SRRM4: variants seen among roughly 807,000 people sequenced by gnomAD.
SRRM4 encodes serine/arginine repetitive matrix protein 4.
In SRRM4, 33 loss-of-function variants were observed where a neutral mutation model predicts 68.9. That is an observed-to-expected ratio of 0.48 (90% CI 0.36 to 0.64). SRRM4 has a LOEUF of 0.64. Ranked by LOEUF, SRRM4 falls within the 30% of genes least tolerant of loss-of-function variation. The probability of loss-of-function intolerance (pLI) is 0.00; values close to 1 mark genes in which losing one functional copy is unlikely to be tolerated. For synonymous variants in SRRM4, 318 were observed against 318.8 expected, an observed-to-expected ratio of 1.00 and a Z score of 0.03; for missense variants, 817 against 827.1, an observed-to-expected ratio of 0.99 and a Z score of 0.15.
intron 1 of SRRM4, among the ~76,000 whole-genome samples, chr12:119,091,117 G>A (rs1399623572): frequency 2.0e-5 from 3 of 152,180 alleles, no homozygotes; most frequent in East Asian, 1.9e-4. Context: ...CCTCTGGCAC[G>A]AGTGTGTGTG....
In SRRM4 at chr12:119,128,667, G is replaced by A. The variant is rs576070469; in HGVS notation, c.615-2011G>A. The stretch of plus-strand genomic sequence containing the variant: ...TTTTGGTGGGCAAAGGGATCTGAGC[G>A]AGGTCACATAGCTAGGAAGTGTCTG... On this transcript the variant is annotated intron_variant, in intron 7 of 12. Transcript: ENST00000267260. Among the ~76,000 whole-genome samples the A allele has an allele frequency of 3.3e-5, 5 of 152,310 alleles. No homozygotes were observed. The South Asian group carries it at 6.2e-4, about 19-fold the overall frequency.
chr12:118,996,233 T>G (rs928173925), intron 1 of SRRM4, among the ~76,000 whole-genome samples: 38 of 152,190 alleles, frequency 2.5e-4, no homozygotes, highest in African/African-American at 9.2e-4. Flanking sequence ...CCAAAACACC[T>G]GTAAAACATT....
At chr12:119,025,775 A>G (rs1420710267) in intron 1 of SRRM4, among the ~76,000 whole-genome samples, 2 of 152,048 alleles carry the variant, frequency 1.3e-5, no homozygotes, top group Non-Finnish European at 2.9e-5. Flanking sequence ...GAACTGCCCA[A>G]AGGAGAAATG....
intron 1 of SRRM4, among the ~76,000 whole-genome samples, chr12:119,042,011 G>C (rs1049471870): frequency 1.3e-5 from 2 of 152,156 alleles, no homozygotes; most frequent in Non-Finnish European, 2.9e-5. Flanking sequence ...TGCGGTCATG[G>C]AACCAACTTC....
intron 1 of SRRM4, among the ~76,000 whole-genome samples, chr12:119,045,899 G>A (rs967525174): frequency 7.9e-5 from 12 of 151,964 alleles, no homozygotes; most frequent in Non-Finnish European, 1.5e-4. Flanking sequence ...TTAGCCAGGC[G>A]TGGTGGTGTG....
At chr12:119,122,974 A>G (rs1954232268) in intron 6 of SRRM4, among the ~76,000 whole-genome samples, 1 of 152,198 alleles carries the variant, frequency 6.6e-6, no homozygotes, top group Admixed American at 6.5e-5. Flanking sequence ...CTGCCTGTGG[A>G]GTTCAGTTCC....
intron 1 of SRRM4, among the ~76,000 whole-genome samples, chr12:119,068,252 C>T (rs1451010995): frequency 6.6e-6 from 1 of 152,168 alleles, no homozygotes; most frequent in Non-Finnish European, 1.5e-5. Flanking sequence ...TTGTGAGACT[C>T]AAATGCATGG....
intron 1 of SRRM4, among the ~76,000 whole-genome samples, chr12:119,072,594 G>C (rs948753804): frequency 6.0e-5 from 9 of 150,366 alleles, no homozygotes; most frequent in African/African-American, 2.2e-4. Context: ...AGATTAATCA[G>C]TCCATTACGC....
intron 1 of SRRM4, among the ~76,000 whole-genome samples, chr12:119,065,521 G>A (rs1953840282): frequency 6.6e-6 from 1 of 152,160 alleles, no homozygotes; most frequent in Non-Finnish European, 1.5e-5. Flanking sequence ...AAGATCACAA[G>A]GTCAGGCATT....
At chr12:119,024,581 C>T (rs1315273650) in intron 1 of SRRM4, among the ~76,000 whole-genome samples, 1 of 152,150 alleles carries the variant, frequency 6.6e-6, no homozygotes, top group East Asian at 1.9e-4. Context: ...CCTGGGTGCC[C>T]CCTCCCCTAA....
intron 1 of SRRM4, among the ~76,000 whole-genome samples, chr12:119,099,425 T>C (rs1162760967): frequency 6.6e-6 from 1 of 151,994 alleles, no homozygotes; most frequent in African/African-American, 2.4e-5. Flanking sequence ...TGAGTGACTA[T>C]GCCCGGCCGC....
chr12:119,027,517 A>C (rs918609383), intron 1 of SRRM4, among the ~76,000 whole-genome samples: 47 of 151,322 alleles, frequency 3.1e-4, no homozygotes, highest in Non-Finnish European at 2.4e-4. Flanking sequence ...AATGAGTCAG[A>C]TCTACAAGCA....
At chr12:119,129,901 ATGG>A in intron 7 of SRRM4, among the ~76,000 whole-genome samples, 1 of 150,476 alleles carries the variant, frequency 6.6e-6, no homozygotes, top group East Asian at 2.0e-4. Flanking sequence ...GGATGGATGG[ATGG>A]ATGGATGGAT....
At chr12:119,113,984 A>C in intron 2 of SRRM4, 16 of 201,108 alleles carry the variant, frequency 8.0e-5, no homozygotes, top group East Asian at 2.0e-4. Context: ...AAGGCAAGCC[A>C]TTTGCAAATT....
chr12:119,073,436 T>G (rs1213543937), intron 1 of SRRM4, among the ~76,000 whole-genome samples: 1 of 151,910 alleles, frequency 6.6e-6, no homozygotes, highest in African/African-American at 2.4e-5. Flanking sequence ...CAAGCGATTC[T>G]TCTTTCTGAG....
At chr12:119,135,323 C>A (rs1333302680) in intron 8 of SRRM4, among the ~76,000 whole-genome samples, 2 of 152,116 alleles carry the variant, frequency 1.3e-5, no homozygotes, top group Non-Finnish European at 2.9e-5. Context: ...GGAGCTGGGC[C>A]AAAGATAATG....
chr12:119,074,618 G>A (rs1953897313), intron 1 of SRRM4, among the ~76,000 whole-genome samples: 1 of 152,108 alleles, frequency 6.6e-6, no homozygotes, highest in South Asian at 2.1e-4. Context: ...TGGGAGAAAG[G>A]AGATGCTTTT....
chr12:118,987,381 A>T (rs1437593612), intron 1 of SRRM4, among the ~76,000 whole-genome samples: 2 of 152,102 alleles, frequency 1.3e-5, no homozygotes, highest in South Asian at 2.1e-4. Flanking sequence ...CTTGTTCAGT[A>T]GTGATGCTTG....
Position 119,145,613 on chromosome 12 carries a change from C to T in SRRM4, c.1004C>T (p.Thr335Ile), listed in dbSNP as rs771371846. The change falls in exon 9 of 13, where the codon ACC becomes ATC. Residue 335 changes from threonine (T) to isoleucine (I), a missense_variant. By Grantham distance (89) the Thr-to-Ile change is moderately conservative (BLOSUM62 -1). Transcript: ENST00000267260. ...GNTSDSGNSF[T>I]TSSPQNKGAM... Reference sequence around the variant, plus strand: ...ACCTCTGATTCAGGGAACTCCTTCACCACCTCCTCACCCCAGAACAAGGGG... The same window carrying T: ...ACCTCTGATTCAGGGAACTCCTTCATCACCTCCTCACCCCAGAACAAGGGG... The T allele has an allele frequency of 1.3e-6, 2 of 1,567,662 alleles. No individual in the cohort carries two copies. Among genetic ancestry groups the T allele is most frequent in the Middle Eastern group, 1.7e-4 (1 of 5,792 alleles).
Sources: gnomAD v4.1 joint callset for allele counts (sites outside exome capture counted in the v4.1 genomes callset) on GRCh38, gnomAD v4.1.1 for gene constraint, MANE v1.5 for transcripts, NCBI Gene and HGNC (gene_info 2026-07-23, HGNC 2026-07-21) for gene names.